ARHGAP4: variants seen among roughly 807,000 people sequenced by gnomAD.
The protein encoded by ARHGAP4 is Rho GTPase activating protein 4.
Under a neutral mutation model 67.6 loss-of-function variants are expected in ARHGAP4, and 25 were observed. The ratio of observed to expected loss-of-function variants is 0.37; its 90% CI spans 0.27 to 0.52. ARHGAP4 has a LOEUF of 0.52. ARHGAP4 is among the 20% of genes least tolerant of loss of function. The probability of loss-of-function intolerance (pLI) is 0.92; values close to 1 mark genes in which losing one functional copy is unlikely to be tolerated. For missense variants in ARHGAP4, 804 were observed against 854.6 expected (o/e 0.94, Z 0.74); for synonymous variants, 448 against 373.7 (o/e 1.20, Z -2.29).
At position 153,907,710 on chromosome X, in the gene ARHGAP4, C is replaced by A. The variant is rs781896081; in HGVS notation, c.*19G>T. Reference sequence around the variant, plus strand: ...CCAGCGGGTAGCCGCCGGGGGCACGCATCTCCAGCAGCGGCACCTCAGTGT... The same window carrying A: ...CCAGCGGGTAGCCGCCGGGGGCACGAATCTCCAGCAGCGGCACCTCAGTGT... On this transcript the variant is annotated 3_prime_UTR_variant, in exon 22 of 22. Transcript: ENST00000350060. 2 of 892,154 alleles carry A rather than the reference C, an allele frequency of 2.2e-6. No homozygotes were observed. Among genetic ancestry groups the A allele is most frequent in the East Asian group, 7.4e-5 (2 of 26,939 alleles). The allele number at this position is 892,154 out of a possible 1,213,427, so 73.5% of individuals were successfully genotyped here.
Position 153,913,017 on chromosome X carries a change from G to A in ARHGAP4, c.1439+7C>T. ...TCGCAGGGCCCCAGCCCTCAGGGAG[G>A]ACTCACCAAGACACCTCCTGCTCCT... On this transcript the variant is annotated splice_region_variant and intron_variant, in intron 11 of 21. Transcript: ENST00000350060. The A allele has an allele frequency of 8.4e-7, 1 of 1,195,711 alleles. No homozygotes were observed. The highest frequency in any genetic ancestry group is 1.1e-6 in the Non-Finnish European group (1 of 886,906).
At chrX:153,917,578 A>T (rs1037814651) in intron 7 of ARHGAP4, among the ~76,000 whole-genome samples, 10 of 111,721 alleles carry the variant, frequency 9.0e-5, no homozygotes, top group Non-Finnish European at 1.7e-4. Context: ...CAACATGGTG[A>T]AACTCCCTTG....
At chrX:153,922,165 C>T in intron 1 of ARHGAP4, 1 of 899,076 alleles carries the variant, frequency 1.1e-6, no homozygotes, top group Non-Finnish European at 1.4e-6. Flanking sequence ...TCCTGGAAAG[C>T]CTCTGAATGG....
At chrX:153,915,967 G>A (rs1215685812) in intron 7 of ARHGAP4, among the ~76,000 whole-genome samples, 2 of 111,979 alleles carry the variant, frequency 1.8e-5, no homozygotes, top group African/African-American at 3.2e-5. Flanking sequence ...CCCCACCATC[G>A]GAAGCTGGCC....
At chrX:153,908,308 C>T (rs993111827) in intron 21 of ARHGAP4, among the ~76,000 whole-genome samples, 6 of 112,193 alleles carry the variant, frequency 5.3e-5, no homozygotes, top group East Asian at 2.8e-4. Context: ...CCTCCCATGG[C>T]GTCTCCTGGC....
At chrX:153,912,973 G>A in intron 11 of ARHGAP4, 51 bp downstream of exon 11, 2 of 1,167,769 alleles carry the variant, frequency 1.7e-6, no homozygotes, top group Non-Finnish European at 2.3e-6. Flanking sequence ...GCCCCAGGAA[G>A]AGAAGAGATG....
intron 12 of ARHGAP4, among the ~76,000 whole-genome samples, chrX:153,911,411 C>T (rs1428796072): frequency 5.4e-5 from 6 of 110,627 alleles, no homozygotes; most frequent in Non-Finnish European, 9.5e-5. Context: ...CATGAGCCAC[C>T]GCACCAGGCT....
At chrX:153,918,583 A>G (rs148678818) in intron 7 of ARHGAP4, among the ~76,000 whole-genome samples, 2,127 of 112,782 alleles carry the variant, frequency 0.019, 54 homozygotes, top group African/African-American at 0.065. Context: ...GCCTAGAACA[A>G]TGTATGGGCA....
rs782459065 is a variant in ARHGAP4 at position 153,925,853 on chromosome X, G to A, written c.67+283C>T. ...TGCATCTGGCTCTCTTTTACCAGCG[G>A]CCACCAGTGTCTCCACTGAACCTTG... On this transcript the variant is annotated intron_variant, in intron 1 of 21. Coordinates refer to ENST00000350060, the MANE Select transcript of ARHGAP4 (RefSeq NM_001666.5). Among the ~76,000 whole-genome samples the A allele has an allele frequency of 5.3e-5, 6 of 113,138 alleles. No homozygotes were observed. In the East Asian group the frequency reaches 1.4e-3, roughly 26 times the overall value.
In ARHGAP4 at chrX:153,907,797, G is replaced by A; in HGVS notation, c.2773C>T (p.Pro925Ser). The A allele has an allele frequency of 4.0e-6, 4 of 1,009,268 alleles. No individual in the cohort carries two copies. Among genetic ancestry groups the A allele is most frequent in the Non-Finnish European group, 3.8e-6 (3 of 787,865 alleles). The allele number at this position is 1,009,268 out of a possible 1,213,427, so 83.2% of individuals were successfully genotyped here. ...GCTGAGGGTGAGGCTGGGGCCCCAG[G>A]GCCCCGGGAGAAGCCTTTGTTCCTG... Reference protein sequence around the residue: ...LGRNKGFSRGPGAPASPSASH... With the variant: ...LGRNKGFSRGSGAPASPSASH... The change falls in exon 22 of 22, where the codon CCT (proline) becomes TCT (serine). Residue 925 changes from proline to serine, a missense_variant. Physicochemically the swap from Pro to Ser is moderately conservative, Grantham distance 74. This residue lies in a region of ARHGAP4 where 400 missense variants were observed against 348.7 expected (regional missense o/e 1.15). Coordinates refer to ENST00000350060, the MANE Select transcript of ARHGAP4 (RefSeq NM_001666.5).
chrX:153,919,520 A>G, intron 5 of ARHGAP4: 6 of 1,137,732 alleles, frequency 5.3e-6, no homozygotes, highest in Non-Finnish European at 7.0e-6. Context: ...TCGAGCCACA[A>G]CATTCCCCAC....
At chrX:153,910,454 CT>C (rs1308162162) in intron 16 of ARHGAP4, 50 bp from the exon 17 acceptor site, 8 of 1,154,218 alleles carry the variant, frequency 6.9e-6, no homozygotes, top group African/African-American at 3.6e-5. Flanking sequence ...CCGAGTCCCC[CT>C]GTCCCCTCGA....
chrX:153,912,828 AG>A (rs1320764735), intron 11 of ARHGAP4, 26 bp from the exon 12 acceptor site: 1 of 1,167,535 alleles, frequency 8.6e-7, no homozygotes, highest in African/African-American at 1.8e-5. Context: ...GCTGGCTCTG[AG>A]GGGGCCAGGT....
At chrX:153,918,738 G>T in intron 7 of ARHGAP4, 94 bp downstream of exon 7, 1 of 945,891 alleles carries the variant, frequency 1.1e-6, no homozygotes, top group Non-Finnish European at 1.5e-6. Flanking sequence ...TGGAGAACTT[G>T]GATTCCTGAG....
At chrX:153,916,171 TGTAA>T (rs782411159) in intron 7 of ARHGAP4, among the ~76,000 whole-genome samples, 4 of 113,118 alleles carry the variant, frequency 3.5e-5, no homozygotes, top group Admixed American at 9.3e-5. Flanking sequence ...TCCTGGCTAA[TGTAA>T]GTGACTGTCA....
intron 7 of ARHGAP4, among the ~76,000 whole-genome samples, chrX:153,916,139 G>A (rs957426649): frequency 1.8e-5 from 2 of 112,761 alleles, no homozygotes; most frequent in Admixed American, 1.9e-4. Flanking sequence ...AACTTCTTCC[G>A]AGCCACAAAA....
intron 1 of ARHGAP4, 94 bp downstream of exon 1, chrX:153,926,042 T>G (rs1160756500): frequency 9.0e-7 from 1 of 1,106,176 alleles, no homozygotes; most frequent in Admixed American, 2.6e-5. Context: ...GGGGAGAGCA[T>G]CGGGCCCTGG....
At chrX:153,918,199 C>T (rs1240285555) in intron 7 of ARHGAP4, among the ~76,000 whole-genome samples, 5 of 112,417 alleles carry the variant, frequency 4.4e-5, no homozygotes, top group African/African-American at 1.6e-4. Context: ...CTGGGATAAG[C>T]CCACTGGGAG....
At chrX:153,913,077 G>T in intron 10 of ARHGAP4, 26 bp from the exon 11 acceptor site, 1 of 1,183,340 alleles carries the variant, frequency 8.5e-7, no homozygotes, top group African/African-American at 1.7e-5. Flanking sequence ...ACATTGGTCT[G>T]CCTCTCGGGC....
Sources: allele counts gnomAD v4.1 joint callset (sites outside exome capture counted in the v4.1 genomes callset), GRCh38; gene constraint gnomAD v4.1.1; regional missense constraint gnomAD v4.1.1; transcripts MANE v1.5; gene names NCBI Gene and HGNC (gene_info 2026-07-23, HGNC 2026-07-21).